PDE10A: variants seen among roughly 807,000 people sequenced by gnomAD.
The protein encoded by PDE10A is cAMP and cAMP-inhibited cGMP 3',5'-cyclic phosphodiesterase 10A.
A neutral mutation model predicts 97.7 loss-of-function variants in PDE10A; 39 were observed. That is an observed-to-expected ratio of 0.40 (90% CI 0.31 to 0.52). The LOEUF (loss-of-function observed/expected upper bound fraction) is 0.52, where lower values mean the gene tolerates loss of function less well. Ranked by LOEUF, PDE10A falls within the 20% of genes least tolerant of loss-of-function variation. The pLI is 0.56. For synonymous variants in PDE10A, 371 were observed against 376.8 expected (o/e 0.98, Z 0.18); for missense variants, 731 against 1,047.8 (o/e 0.70, Z 4.17).
At chr6:165,871,706 A>C (rs1052638295) in intron 1 of PDE10A, among the ~76,000 whole-genome samples, 6 of 152,346 alleles carry the variant, frequency 3.9e-5, no homozygotes, top group Non-Finnish European at 8.8e-5. Flanking sequence ...GGTAAGTGCC[A>C]GGAAGAGCAC....
chr6:165,765,659 C>T (rs938937032), intron 1 of PDE10A, among the ~76,000 whole-genome samples: 6 of 152,216 alleles, frequency 3.9e-5, no homozygotes, highest in Non-Finnish European at 8.8e-5. Context: ...TTCCTGCTCG[C>T]GCCTCTCCCT....
chr6:165,918,682 G>C (rs1434602843), intron 1 of PDE10A, among the ~76,000 whole-genome samples: 1 of 152,034 alleles, frequency 6.6e-6, no homozygotes, highest in Non-Finnish European at 1.5e-5. Flanking sequence ...AAACAAATTT[G>C]GCTATGTTTT....
At chr6:165,503,503 G>A (rs1218526810) in intron 2 of PDE10A, among the ~76,000 whole-genome samples, 1 of 152,152 alleles carries the variant, frequency 6.6e-6, no homozygotes, top group Non-Finnish European at 1.5e-5. Flanking sequence ...GGCAAGGACA[G>A]CCACAGGTCT....
chr6:165,846,132 T>G (rs1028327432), intron 1 of PDE10A, among the ~76,000 whole-genome samples: 4 of 152,222 alleles, frequency 2.6e-5, no homozygotes, highest in African/African-American at 9.6e-5. Context: ...GGACTCTTCG[T>G]GCCTTGCAGG....
chr6:165,368,951 T>G (rs1784014202), intron 18 of PDE10A, among the ~76,000 whole-genome samples: 2 of 152,312 alleles, frequency 1.3e-5, no homozygotes, highest in Middle Eastern at 3.4e-3. Context: ...ACACCGCTGC[T>G]GATACCCAGG....
intron 1 of PDE10A, among the ~76,000 whole-genome samples, chr6:165,702,173 G>A (rs1791596515): frequency 1.3e-5 from 2 of 152,246 alleles, no homozygotes; most frequent in Admixed American, 1.3e-4. Context: ...TGGGACGGCA[G>A]AGGGTCTGCC....
At chr6:165,367,238 CAT>C (rs1183313717) in intron 18 of PDE10A, among the ~76,000 whole-genome samples, 18 of 105,602 alleles carry the variant, frequency 1.7e-4, no homozygotes, top group Admixed American at 9.4e-4. Context: ...TACACACACA[CAT>C]ATGTGTGTGT....
intron 18 of PDE10A, among the ~76,000 whole-genome samples, chr6:165,349,601 A>G (rs1259139274): frequency 2.0e-5 from 3 of 152,210 alleles, no homozygotes; most frequent in Non-Finnish European, 4.4e-5. Flanking sequence ...CTTAAGTAAC[A>G]AAGAACTGAG....
At chr6:165,865,261 T>A (rs980204386) in intron 1 of PDE10A, among the ~76,000 whole-genome samples, 1 of 152,218 alleles carries the variant, frequency 6.6e-6, no homozygotes, top group Non-Finnish European at 1.5e-5. Flanking sequence ...TAAAGCATTC[T>A]ACCCAACCCA....
intron 17 of PDE10A, among the ~76,000 whole-genome samples, chr6:165,384,260 A>G (rs919700652): frequency 6.6e-6 from 1 of 152,016 alleles, no homozygotes; most frequent in Non-Finnish European, 1.5e-5. Flanking sequence ...GGTGCTTGCC[A>G]CTTGGGAGCT....
intron 1 of PDE10A, among the ~76,000 whole-genome samples, chr6:165,851,204 TAA>T (rs963719179): frequency 2.0e-5 from 3 of 152,260 alleles, no homozygotes; most frequent in Non-Finnish European, 4.4e-5. Flanking sequence ...TCAAATTCTT[TAA>T]AGAGTTATTC....
At chr6:165,807,777 T>C (rs1779178562) in intron 1 of PDE10A, among the ~76,000 whole-genome samples, 1 of 152,116 alleles carries the variant, frequency 6.6e-6, no homozygotes, top group Non-Finnish European at 1.5e-5. Context: ...GTCACCACCC[T>C]TGGGCTCTGG....
At chr6:165,517,321 C>T (rs2128305860) in intron 2 of PDE10A, among the ~76,000 whole-genome samples, 1 of 152,206 alleles carries the variant, frequency 6.6e-6, no homozygotes, top group East Asian at 1.9e-4. Flanking sequence ...CAGTCTCTAT[C>T]AAAAATAAGA....
chr6:165,966,954 G>T (rs945300423), intron 1 of PDE10A, among the ~76,000 whole-genome samples: 3 of 152,196 alleles, frequency 2.0e-5, no homozygotes, highest in Non-Finnish European at 2.9e-5. Context: ...AACTGGAAAT[G>T]AGGGTAATAC....
intron 18 of PDE10A, among the ~76,000 whole-genome samples, chr6:165,360,543 A>T (rs1783342289): frequency 6.6e-6 from 1 of 152,194 alleles, no homozygotes; most frequent in Non-Finnish European, 1.5e-5. Flanking sequence ...TGGATGTTGT[A>T]GGAGGAGGCA....
intron 1 of PDE10A, among the ~76,000 whole-genome samples, chr6:165,633,523 T>TA (rs1554298372): frequency 6.6e-6 from 1 of 152,126 alleles, no homozygotes; most frequent in Non-Finnish European, 1.5e-5. Flanking sequence ...TGAAATCAAA[T>TA]AGCAAACATT....
At chr6:165,368,448 T>G (rs1685484976) in intron 18 of PDE10A, among the ~76,000 whole-genome samples, 1 of 152,184 alleles carries the variant, frequency 6.6e-6, no homozygotes, top group South Asian at 2.1e-4. Context: ...ATTTTAAAGT[T>G]TTTCACATTG....
intron 1 of PDE10A, among the ~76,000 whole-genome samples, chr6:165,848,283 T>C (rs548168621): frequency 2.0e-5 from 3 of 152,210 alleles, no homozygotes; most frequent in Non-Finnish European, 4.4e-5. Context: ...ATATTCCCTG[T>C]CCCCCACACA....
At chr6:165,851,096 C>T (rs574159423) in intron 1 of PDE10A, among the ~76,000 whole-genome samples, 13 of 152,282 alleles carry the variant, frequency 8.5e-5, no homozygotes, top group East Asian at 3.9e-4. Context: ...TCTGCTTACA[C>T]GTAAGACAAC....
Sources: allele counts gnomAD v4.1 joint callset (sites outside exome capture counted in the v4.1 genomes callset), GRCh38; gene constraint gnomAD v4.1.1; transcripts MANE v1.5; gene names NCBI Gene and HGNC (gene_info 2026-07-23, HGNC 2026-07-21).